BTC: variants seen among roughly 807,000 people sequenced by gnomAD.
The protein encoded by BTC is probetacellulin.
BTC carries 13 observed loss-of-function variants against 18.1 expected under a neutral mutation model. The observed-to-expected ratio is 0.72, with a 90% CI of 0.47 to 1.14. The LOEUF is 1.14. Ranked by LOEUF, BTC falls within the 50% of genes most tolerant of loss-of-function variation. The probability of loss-of-function intolerance (pLI) is 0.00; values close to 1 mark genes in which losing one functional copy is unlikely to be tolerated. For missense variants in BTC, 247 were observed against 224.2 expected, an observed-to-expected ratio of 1.10 and a Z score of -0.65; for synonymous variants, 83 against 79.4, an observed-to-expected ratio of 1.05 and a Z score of -0.24.
At chr4:74,789,309 C>G (rs1218710392) in intron 1 of BTC, among the ~76,000 whole-genome samples, 3 of 152,176 alleles carry the variant, frequency 2.0e-5, no homozygotes, top group Admixed American at 2.0e-4. Context: ...GATCAAAGTA[C>G]AAACTCTAAC....
At chr4:74,778,074 G>A (rs1164335801) in intron 1 of BTC, among the ~76,000 whole-genome samples, 1 of 151,608 alleles carries the variant, frequency 6.6e-6, no homozygotes, top group African/African-American at 2.4e-5. Context: ...GTTTAACACT[G>A]AGTTTGTGGT....
intron 3 of BTC, among the ~76,000 whole-genome samples, chr4:74,751,697 T>C (rs1340487681): frequency 6.6e-6 from 1 of 152,142 alleles, no homozygotes; most frequent in Non-Finnish European, 1.5e-5. Flanking sequence ...GTGATTTGAG[T>C]ACTCCCCATA....
rs532821733 is a variant in BTC, at chr4:74,748,530, C to T, written c.429-381G>A. The stretch of plus-strand genomic sequence containing the variant: ...CAGCCTGGGCGACAGAGTGAGACTC[C>T]GTCACAAAAAAAAAAAATTAGGGTT... On this transcript the variant is annotated intron_variant, in intron 4 of 5. Transcript: ENST00000395743. Among the ~76,000 whole-genome samples the T allele has an allele frequency of 8.6e-5, 13 of 150,696 alleles. No homozygotes were observed. The South Asian group carries it at 1.9e-3, about 22-fold the overall frequency.
chr4:74,751,492 T>C (rs1553956194), intron 3 of BTC, among the ~76,000 whole-genome samples: 2 of 152,188 alleles, frequency 1.3e-5, no homozygotes, highest in African/African-American at 4.8e-5. Flanking sequence ...CCCTCCCTTT[T>C]TTCCATGGCC....
At chr4:74,792,442 T>C (rs1433175384) in intron 1 of BTC, among the ~76,000 whole-genome samples, 1 of 152,174 alleles carries the variant, frequency 6.6e-6, no homozygotes, top group Non-Finnish European at 1.5e-5. Context: ...ATGCCCAGAT[T>C]ATACCTACGA....
intron 3 of BTC, among the ~76,000 whole-genome samples, chr4:74,755,526 C>T (rs1379416696): frequency 6.6e-6 from 1 of 152,218 alleles, no homozygotes; most frequent in African/African-American, 2.4e-5. Context: ...AACCACCAAA[C>T]ACTTGCCAGA....
chr4:74,749,529 C>A (rs889674124), intron 4 of BTC, among the ~76,000 whole-genome samples: 1 of 141,204 alleles, frequency 7.1e-6, no homozygotes, highest in Middle Eastern at 3.4e-3. Flanking sequence ...CAAAGACTCC[C>A]TCTACCGTAG....
chr4:74,746,326 T>C lies in BTC; in HGVS notation c.*351A>G, dbSNP rs1553955482. On this transcript the variant is annotated 3_prime_UTR_variant, in exon 6 of 6. Transcript: ENST00000395743. ...TTATTAGCACATGGTAAATGCTTGATAAATGGTAGCTTTATTATTAATTCA... is the reference window on the plus strand; with the variant it reads ...TTATTAGCACATGGTAAATGCTTGACAAATGGTAGCTTTATTATTAATTCA... 1 of 152,340 alleles carries C rather than the reference T, an allele frequency of 6.6e-6. No homozygotes were observed. The highest frequency in any genetic ancestry group is 1.5e-5 in the Non-Finnish European group (1 of 68,016). The allele number at this position is 152,340 out of a possible 1,614,324, so 9.4% of individuals were successfully genotyped here. A position where few individuals can be genotyped will look rare whatever the true frequency, so the allele number is the denominator to read the frequency against.
chr4:74,770,624 A>T (rs1174881165), intron 1 of BTC, among the ~76,000 whole-genome samples: 3 of 152,106 alleles, frequency 2.0e-5, no homozygotes, highest in African/African-American at 7.2e-5. Context: ...AGAATTCTTT[A>T]AAAATTTTAG....
intron 1 of BTC, among the ~76,000 whole-genome samples, chr4:74,792,486 C>A (rs1036901026): frequency 7.9e-5 from 12 of 152,202 alleles, no homozygotes; most frequent in Admixed American, 1.3e-4. Context: ...AGGCGCCCCC[C>A]CTTCCTATAC....
Position 74,745,875 on chromosome 4 carries a change from T to C in BTC, c.*802A>G, listed in dbSNP as rs1411837460. On this transcript the variant is annotated 3_prime_UTR_variant, in exon 6 of 6. Transcript: ENST00000395743. Reference sequence around the variant, plus strand: ...GGGGCCAATCTATTTGCTTTAATAATGTAAAAATGTAGTCACATCATTGAG... The same window carrying C: ...GGGGCCAATCTATTTGCTTTAATAACGTAAAAATGTAGTCACATCATTGAG... The C allele has an allele frequency of 6.6e-6, 1 of 152,182 alleles. No homozygotes were observed. The highest frequency in any genetic ancestry group is 1.5e-5 in the Non-Finnish European group (1 of 68,026). 9.4% of individuals were successfully genotyped at this position (152,182 alleles called of 1,614,324 possible).
chr4:74,763,998 AAAT>A (rs201393643), intron 2 of BTC, among the ~76,000 whole-genome samples: 4,855 of 152,042 alleles, frequency 0.032, 240 homozygotes, highest in African/African-American at 0.11. Context: ...TGTTAATTAA[AAAT>A]AATAATAATA....
intron 1 of BTC, among the ~76,000 whole-genome samples, chr4:74,778,348 T>C (rs1725232259): frequency 6.6e-6 from 1 of 152,196 alleles, no homozygotes; most frequent in South Asian, 2.1e-4. Context: ...TCAATCTGGG[T>C]TTCCTAGAAA....
chr4:74,774,747 A>G (rs754740492), intron 1 of BTC, among the ~76,000 whole-genome samples: 13 of 152,138 alleles, frequency 8.5e-5, no homozygotes, highest in African/African-American at 1.7e-4. Flanking sequence ...AAAGGTCTCA[A>G]TGCCATGTTG....
chr4:74,781,758 T>C (rs1437738713), intron 1 of BTC, among the ~76,000 whole-genome samples: 1 of 152,094 alleles, frequency 6.6e-6, no homozygotes, highest in Non-Finnish European at 1.5e-5. Context: ...TAACCTTTTT[T>C]AAGGTAGCAT....
At chr4:74,791,321 G>A (rs757266532) in intron 1 of BTC, among the ~76,000 whole-genome samples, 51 of 151,640 alleles carry the variant, frequency 3.4e-4, no homozygotes, top group Admixed American at 3.3e-3. Flanking sequence ...GAGCCTGAGC[G>A]AAAGAGTGAG....
At chr4:74,768,756 A>T (rs1185846016) in intron 2 of BTC, among the ~76,000 whole-genome samples, 1 of 152,198 alleles carries the variant, frequency 6.6e-6, no homozygotes, top group Non-Finnish European at 1.5e-5. Flanking sequence ...ACTACAATAA[A>T]AATAAAATTA....
intron 2 of BTC, among the ~76,000 whole-genome samples, chr4:74,758,846 C>T (rs1258635474): frequency 6.6e-6 from 1 of 152,142 alleles, no homozygotes; most frequent in African/African-American, 2.4e-5. Context: ...GATTTTAAAA[C>T]ATTTCCATGC....
At chr4:74,747,453 C>T (rs1553955600) in intron 5 of BTC, among the ~76,000 whole-genome samples, 3 of 152,170 alleles carry the variant, frequency 2.0e-5, no homozygotes, top group African/African-American at 7.2e-5. Context: ...GGACCCTCCT[C>T]CAATGTGCCT....
Sources: gnomAD v4.1 joint callset for allele counts (sites outside exome capture counted in the v4.1 genomes callset) on GRCh38, gnomAD v4.1.1 for gene constraint, MANE v1.5 for transcripts, NCBI Gene and HGNC (gene_info 2026-07-23, HGNC 2026-07-21) for gene names.